The following FSTL5 variants were observed in gnomAD, a reference collection of about 807,000 sequenced individuals.
The protein encoded by FSTL5 is follistatin like 5.
Under a neutral mutation model 89.1 loss-of-function variants are expected in FSTL5, and 62 were observed. The observed-to-expected ratio is 0.70, with a 90% CI of 0.57 to 0.86. The LOEUF is 0.86. Ranked by LOEUF, FSTL5 falls within the 40% of genes least tolerant of loss-of-function variation. The pLI is 0.00. For synonymous variants in FSTL5, 383 were observed against 346.2 expected (o/e 1.11, Z -1.18); for missense variants, 1,057 against 1,001.6 (o/e 1.06, Z -0.75).
chr4:161,395,934 C>A (rs1240905675), intron 15 of FSTL5, among the ~76,000 whole-genome samples: 1 of 152,012 alleles, frequency 6.6e-6, no homozygotes, highest in Non-Finnish European at 1.5e-5. Flanking sequence ...TCCAATTAAT[C>A]CTACCTGCCA....
intron 4 of FSTL5, among the ~76,000 whole-genome samples, chr4:161,878,983 A>G (rs769516329): frequency 6.6e-6 from 1 of 152,144 alleles, no homozygotes; most frequent in African/African-American, 2.4e-5. Flanking sequence ...TTGTCTCCTA[A>G]ATGTAAAATT....
At chr4:161,946,311 T>C (rs1373037900) in intron 3 of FSTL5, among the ~76,000 whole-genome samples, 2 of 152,170 alleles carry the variant, frequency 1.3e-5, no homozygotes, top group Non-Finnish European at 2.9e-5. Context: ...CTACTTCTGT[T>C]ATTATGGCTT....
chr4:161,672,037 G>T lies in FSTL5; in HGVS notation c.728-15543C>A, dbSNP rs572736188. On this transcript the variant is annotated intron_variant, in intron 6 of 15. Transcript: ENST00000306100. The stretch of plus-strand genomic sequence containing the variant: ...AAGAGAGTATTTACATTTTAATAGG[G>T]AACATTTTAATTCAAATGTATCTTT... 2.5e-3 allele frequency among the ~76,000 whole-genome samples: 385 copies of T among 152,192 alleles called. 3 individuals are homozygous for T. The highest frequency in any genetic ancestry group is 9.1e-3 in the African/African-American group (377 of 41,528).
intron 15 of FSTL5, among the ~76,000 whole-genome samples, chr4:161,402,103 C>CA (rs1731197951): frequency 6.6e-6 from 1 of 152,040 alleles, no homozygotes; most frequent in Non-Finnish European, 1.5e-5. Flanking sequence ...GGAACTGTTA[C>CA]CAGAAGGAAC....
intron 4 of FSTL5, among the ~76,000 whole-genome samples, chr4:161,845,248 A>G (rs1273271197): frequency 6.6e-6 from 1 of 152,154 alleles, no homozygotes; most frequent in Non-Finnish European, 1.5e-5. Flanking sequence ...TTAAAACCAA[A>G]TAAAACATTG....
At chr4:161,548,419 C>T (rs1732078909) in intron 8 of FSTL5, among the ~76,000 whole-genome samples, 1 of 151,718 alleles carries the variant, frequency 6.6e-6, no homozygotes, top group Non-Finnish European at 1.5e-5. Flanking sequence ...TGGGAGTTAT[C>T]AACACAAAGT....
At chr4:161,833,632 G>A (rs1353198513) in intron 4 of FSTL5, among the ~76,000 whole-genome samples, 5 of 152,040 alleles carry the variant, frequency 3.3e-5, no homozygotes, top group Non-Finnish European at 7.4e-5. Flanking sequence ...TTACCATTAT[G>A]TAATAGCCTT....
chr4:161,804,836 T>C (rs1247920372), intron 4 of FSTL5, among the ~76,000 whole-genome samples: 1 of 152,018 alleles, frequency 6.6e-6, no homozygotes, highest in Non-Finnish European at 1.5e-5. Context: ...GTGGATGATA[T>C]AGTTGGCCAA....
intron 6 of FSTL5, among the ~76,000 whole-genome samples, chr4:161,671,431 G>C (rs1737108726): frequency 6.6e-6 from 1 of 152,178 alleles, no homozygotes; most frequent in South Asian, 2.1e-4. Flanking sequence ...ATGCGGAGCT[G>C]AGCAGTTGCC....
intron 4 of FSTL5, among the ~76,000 whole-genome samples, chr4:161,788,952 T>TGC (rs1437689887): frequency 6.6e-6 from 1 of 152,100 alleles, no homozygotes; most frequent in African/African-American, 2.4e-5. Context: ...TTCAAAAGTT[T>TGC]CTGAGGAAAC....
At chr4:161,842,518 G>T (rs940187525) in intron 4 of FSTL5, among the ~76,000 whole-genome samples, 1 of 152,024 alleles carries the variant, frequency 6.6e-6, no homozygotes, top group Non-Finnish European at 1.5e-5. Flanking sequence ...TCTATCATCT[G>T]TTTTAAGTAT....
At chr4:161,664,331 TAGCACC>T (rs1432716920) in intron 6 of FSTL5, among the ~76,000 whole-genome samples, 1 of 152,210 alleles carries the variant, frequency 6.6e-6, no homozygotes, top group Non-Finnish European at 1.5e-5. Flanking sequence ...AATATTTTAG[TAGCACC>T]CAAATCACCT....
intron 4 of FSTL5, among the ~76,000 whole-genome samples, chr4:161,832,315 C>T (rs1730872299): frequency 6.6e-6 from 1 of 152,070 alleles, no homozygotes; most frequent in Non-Finnish European, 1.5e-5. Flanking sequence ...ATAGCAAGAA[C>T]TGCAAGAAAT....
intron 4 of FSTL5, among the ~76,000 whole-genome samples, chr4:161,917,102 G>T (rs1025373479): frequency 2.0e-5 from 3 of 152,090 alleles, no homozygotes; most frequent in Admixed American, 1.3e-4. Flanking sequence ...ACAGGCGTCT[G>T]CCACCACACC....
chr4:161,391,335 T>G (rs532118561), intron 15 of FSTL5, among the ~76,000 whole-genome samples: 3 of 152,310 alleles, frequency 2.0e-5, no homozygotes, highest in African/African-American at 7.2e-5. Context: ...GCTTTTCTAA[T>G]TGGATTATAA....
At chr4:161,393,457 C>T (rs1339264220) in intron 15 of FSTL5, among the ~76,000 whole-genome samples, 1 of 151,644 alleles carries the variant, frequency 6.6e-6, no homozygotes, top group African/African-American at 2.4e-5. Flanking sequence ...ATTCCTATGC[C>T]CTGACTTTCA....
intron 15 of FSTL5, among the ~76,000 whole-genome samples, chr4:161,392,655 T>A (rs1730859977): frequency 6.6e-6 from 1 of 152,162 alleles, no homozygotes; most frequent in Admixed American, 6.5e-5. Context: ...TTTATAAAAT[T>A]GGTTGTTCTT....
intron 3 of FSTL5, among the ~76,000 whole-genome samples, chr4:162,029,094 T>C (rs1217275983): frequency 6.6e-6 from 1 of 151,670 alleles, no homozygotes; most frequent in Non-Finnish European, 1.5e-5. Context: ...AAGGAGAATC[T>C]GAACACATGG....
At chr4:161,591,097 A>G (rs554083160) in intron 7 of FSTL5, among the ~76,000 whole-genome samples, 1 of 152,252 alleles carries the variant, frequency 6.6e-6, no homozygotes, top group Non-Finnish European at 1.5e-5. Flanking sequence ...TTTGACAATA[A>G]AAAGGAATAA....
Sources: gnomAD v4.1 joint callset for allele counts (sites outside exome capture counted in the v4.1 genomes callset) on GRCh38, gnomAD v4.1.1 for gene constraint, MANE v1.5 for transcripts, NCBI Gene and HGNC (gene_info 2026-07-23, HGNC 2026-07-21) for gene names.